MEGF11: variants seen among roughly 807,000 people sequenced by gnomAD.
MEGF11 encodes the protein multiple EGF like domains 11, also known as multiple epidermal growth factor-like domains protein 11.
A neutral mutation model predicts 146.6 loss-of-function variants in MEGF11; 126 were observed. The ratio of observed to expected loss-of-function variants is 0.86; its 90% CI spans 0.74 to 1.00. The LOEUF is 1.00. Among genes scored for constraint, MEGF11 ranks in the 50% least tolerant of loss-of-function variants. The pLI is 0.00. For missense variants in MEGF11, 1,509 were observed against 1,521.2 expected (o/e 0.99, Z 0.13); for synonymous variants, 532 against 583.4 (o/e 0.91, Z 1.27).
At chr15:66,135,816 A>T (rs1321088658) in intron 1 of MEGF11, among the ~76,000 whole-genome samples, 1 of 152,174 alleles carries the variant, frequency 6.6e-6, no homozygotes, top group East Asian at 1.9e-4. Context: ...ATTCAAAGTC[A>T]GTACCAGTTC....
intron 4 of MEGF11, among the ~76,000 whole-genome samples, chr15:66,105,606 C>T (rs867242061): frequency 6.6e-6 from 1 of 152,144 alleles, no homozygotes; most frequent in Non-Finnish European, 1.5e-5. Flanking sequence ...CCTGAGCAGG[C>T]ACTGAAATGG....
intron 10 of MEGF11, among the ~76,000 whole-genome samples, chr15:65,936,164 T>A (rs975344205): frequency 1.3e-5 from 2 of 152,136 alleles, no homozygotes; most frequent in African/African-American, 2.4e-5. Context: ...GCCTTGGGTA[T>A]GTCTGTGTAC....
chr15:66,092,854 T>A (rs2086376289), intron 5 of MEGF11, among the ~76,000 whole-genome samples: 1 of 152,154 alleles, frequency 6.6e-6, no homozygotes, highest in Non-Finnish European at 1.5e-5. Flanking sequence ...GGCAGACCCA[T>A]CCCAGCAGGG....
chr15:66,054,999 G>T (rs1469659406), intron 5 of MEGF11, among the ~76,000 whole-genome samples: 1 of 152,154 alleles, frequency 6.6e-6, no homozygotes, highest in Admixed American at 6.5e-5. Flanking sequence ...TGCTATTATT[G>T]GTGTAGACAT....
At chr15:66,023,248 G>A (rs1236883655) in intron 5 of MEGF11, among the ~76,000 whole-genome samples, 1 of 152,144 alleles carries the variant, frequency 6.6e-6, no homozygotes, top group African/African-American at 2.4e-5. Flanking sequence ...GAGGCCAGTA[G>A]CAGCTGCTTC....
intron 4 of MEGF11, among the ~76,000 whole-genome samples, chr15:66,107,536 G>A (rs2087152086): frequency 6.6e-6 from 1 of 152,176 alleles, no homozygotes. Flanking sequence ...CCTGGGTTCT[G>A]CGACAGTAAG....
chr15:66,018,102 A>G (rs987370909), intron 5 of MEGF11, among the ~76,000 whole-genome samples: 2 of 152,186 alleles, frequency 1.3e-5, no homozygotes, highest in Non-Finnish European at 2.9e-5. Flanking sequence ...TGCCCACCCC[A>G]GCAGGGTCCC....
intron 1 of MEGF11, among the ~76,000 whole-genome samples, chr15:66,169,089 T>C (rs141044638): frequency 9.8e-4 from 150 of 152,366 alleles, no homozygotes; most frequent in African/African-American, 3.2e-3. Flanking sequence ...GGGGCTAGCA[T>C]TTTATTTCTG....
At chr15:65,905,386 C>G (rs776334416) in intron 24 of MEGF11, 1 of 152,188 alleles carries the variant, frequency 6.6e-6, no homozygotes. Flanking sequence ...GGAAACTGAG[C>G]CTTGGAAAGC....
chr15:66,169,453 G>T (rs1345255489), intron 1 of MEGF11, among the ~76,000 whole-genome samples: 1 of 152,156 alleles, frequency 6.6e-6, no homozygotes, highest in Non-Finnish European at 1.5e-5. Flanking sequence ...AACAGAGTCA[G>T]TTTCTCTCTC....
At chr15:66,071,226 C>G (rs921429948) in intron 5 of MEGF11, among the ~76,000 whole-genome samples, 1 of 152,192 alleles carries the variant, frequency 6.6e-6, no homozygotes, top group Non-Finnish European at 1.5e-5. Flanking sequence ...GATGACTATG[C>G]CTGTCTCTCT....
Position 65,982,679 on chromosome 15 carries a change from T to G in MEGF11, c.395-191A>C, listed in dbSNP as rs189817096. ...TTCTTCCACCAAGCCATGCAAATAG[T>G]CGCACAGGCTAAGAAGGGCAGAGCG... On this transcript the variant is annotated intron_variant, in intron 5 of 25. Transcript: ENST00000395614. This position sits in a 1 kb window ranked among gnomAD's most constrained non-coding sequence, Gnocchi z 5.6. 2.5e-3 allele frequency among the ~76,000 whole-genome samples: 380 copies of G among 152,248 alleles called. 1 individual carries two copies. Among genetic ancestry groups the G allele is most frequent in the African/African-American group, 8.9e-3 (370 of 41,538 alleles).
chr15:66,117,034 C>T (rs769153037), intron 4 of MEGF11, among the ~76,000 whole-genome samples: 2 of 152,186 alleles, frequency 1.3e-5, no homozygotes, highest in Middle Eastern at 3.2e-3. Flanking sequence ...ACTCAGTTTC[C>T]CCATCTGTCA....
intron 5 of MEGF11, among the ~76,000 whole-genome samples, chr15:66,050,116 G>C (rs1318062452): frequency 1.3e-5 from 2 of 152,190 alleles, no homozygotes; most frequent in Non-Finnish European, 1.5e-5. Context: ...CTAAACTACA[G>C]TGGTGTGATC....
chr15:66,076,199 AGACAGGATGGATGGATGGAT>A (rs1229431081), intron 5 of MEGF11, among the ~76,000 whole-genome samples: 2 of 131,946 alleles, frequency 1.5e-5, no homozygotes, highest in African/African-American at 5.9e-5. Context: ...TTGGACTGAC[AGACAGGATGGATGGATGGAT>A]GGATGGATGG....
chr15:65,909,626 G>A, intron 22 of MEGF11, 114 bp downstream of exon 22: 1 of 1,076,528 alleles, frequency 9.3e-7, no homozygotes, highest in Non-Finnish European at 1.3e-6. Flanking sequence ...TTCTCCCTGG[G>A]GGAAACCATG....
intron 1 of MEGF11, among the ~76,000 whole-genome samples, chr15:66,173,774 A>C (rs1045815333): frequency 2.0e-5 from 3 of 152,034 alleles, no homozygotes; most frequent in African/African-American, 7.2e-5. Flanking sequence ...GAAGGGTCCA[A>C]CTCACCCTCT....
chr15:66,227,623 C>T (rs79669512), intron 1 of MEGF11, among the ~76,000 whole-genome samples: 4 of 152,166 alleles, frequency 2.6e-5, no homozygotes, highest in African/African-American at 9.7e-5. Flanking sequence ...TTGAGCTTCA[C>T]CCAGCTTCTC....
intron 1 of MEGF11, among the ~76,000 whole-genome samples, chr15:66,170,774 C>T (rs1327772810): frequency 6.6e-6 from 1 of 152,138 alleles, no homozygotes; most frequent in Non-Finnish European, 1.5e-5. Context: ...CTCCCCATCC[C>T]CACCTCCCTC....
Sources: allele counts gnomAD v4.1 joint callset (sites outside exome capture counted in the v4.1 genomes callset), GRCh38; gene constraint gnomAD v4.1.1; non-coding constraint Gnocchi (gnomAD v3.1); transcripts MANE v1.5; gene names NCBI Gene and HGNC (gene_info 2026-07-23, HGNC 2026-07-21).